The following SMC1B variants were observed in gnomAD, a reference collection of about 807,000 sequenced individuals.
SMC1B encodes the protein structural maintenance of chromosomes 1B.
In SMC1B, 60 loss-of-function variants were observed where a neutral mutation model predicts 157.9. That is an observed-to-expected ratio of 0.38 (90% CI 0.31 to 0.47). SMC1B has a LOEUF of 0.47. Among genes scored for constraint, SMC1B ranks in the 20% least tolerant of loss-of-function variants. SMC1B has a pLI of 0.99. For missense variants in SMC1B, 1,165 were observed against 1,426.2 expected, an observed-to-expected ratio of 0.82 and a Z score of 2.95; for synonymous variants, 445 against 483.0, an observed-to-expected ratio of 0.92 and a Z score of 1.03.
intron 9 of SMC1B, among the ~76,000 whole-genome samples, chr22:45,392,225 A>G (rs895025200): frequency 7.2e-5 from 11 of 152,170 alleles, no homozygotes; most frequent in Non-Finnish European, 1.0e-4. Flanking sequence ...CTGGGATTAC[A>G]GGCACCCAGT....
chr22:45,406,784 A>G lies in SMC1B; in HGVS notation c.380T>C (p.Ile127Thr), dbSNP rs1360725416. 3.8e-6 allele frequency: 6 copies of G among 1,596,256 alleles called. No homozygotes were observed. The highest frequency in any genetic ancestry group is 1.8e-5 in the Admixed American group (1 of 54,228). Residue 127 changes from isoleucine to threonine, a missense_variant, in exon 3 of 25, where the codon ATA becomes ACA. Ile to Thr is a moderately conservative substitution (Grantham distance 89). Coordinates refer to ENST00000357450, the MANE Select transcript of SMC1B (RefSeq NM_148674.5). Reference sequence around the variant, plus strand: ...AACCAAACAATTTTGTGCTTTGACTATTATGCCTATCTTTTCCAACTCTGC... The same window carrying G: ...AACCAAACAATTTTGTGCTTTGACTGTTATGCCTATCTTTTCCAACTCTGC... ...YIAELEKIGI[I>T]VKAQNCLVFQ...
chr22:45,399,550 A>C (rs1184763568), intron 5 of SMC1B, among the ~76,000 whole-genome samples, 197 bp from the exon 6 acceptor site: 3 of 152,326 alleles, frequency 2.0e-5, no homozygotes, highest in Non-Finnish European at 1.5e-5. Context: ...CACTTTTGAG[A>C]GTGGTACTGT....
intron 1 of SMC1B, among the ~76,000 whole-genome samples, chr22:45,412,822 T>A (rs567703475): frequency 6.6e-6 from 1 of 152,198 alleles, no homozygotes; most frequent in Non-Finnish European, 1.5e-5. Context: ...GTAAACTGGG[T>A]CATCATCACT....
Position 45,353,992 on chromosome 22 carries a change from T to C in SMC1B, c.3259A>G (p.Asn1087Asp). 1 of 1,585,352 alleles carries C rather than the reference T, an allele frequency of 6.3e-7. No homozygotes were observed. Among genetic ancestry groups the C allele is most frequent in the Non-Finnish European group, 8.6e-7 (1 of 1,166,732 alleles). ...AAGATACATACTTGGGCGCTGTTGT[T>C]TCTGCAGAGCTTCTTGTAGATTTGA... ...IDQIYKKLCR[N>D]NSAQAFLSPE... Residue 1087 changes from asparagine (N) to aspartate (D), a missense_variant, in exon 21 of 25, where the codon AAC becomes GAC. Asn to Asp is a conservative substitution (Grantham distance 23, BLOSUM62 1). Coordinates refer to ENST00000357450, the MANE Select transcript of SMC1B (RefSeq NM_148674.5).
intron 10 of SMC1B, among the ~76,000 whole-genome samples, chr22:45,388,766 G>A (rs908295834): frequency 6.6e-5 from 10 of 151,802 alleles, no homozygotes; most frequent in Admixed American, 2.6e-4. Context: ...CACCTGAGTC[G>A]GGAATTTGAG....
chr22:45,354,750 A>G (rs1430298625), intron 20 of SMC1B, among the ~76,000 whole-genome samples: 2 of 152,188 alleles, frequency 1.3e-5, no homozygotes, highest in Non-Finnish European at 2.9e-5. Flanking sequence ...GTGTTTTAAA[A>G]TCACCAATAA....
chr22:45,394,575 A>G (rs952085556), intron 8 of SMC1B, 110 bp downstream of exon 8: 27 of 1,243,178 alleles, frequency 2.2e-5, no homozygotes, highest in Non-Finnish European at 2.7e-5. Context: ...AGTTGAGGCT[A>G]CCGTAAGCCA....
At chr22:45,375,492 TTCC>T (rs2086875738) in intron 12 of SMC1B, among the ~76,000 whole-genome samples, 1 of 152,264 alleles carries the variant, frequency 6.6e-6, no homozygotes, top group South Asian at 2.1e-4. Context: ...GGGTTCACAC[TTCC>T]AAGACTACAT....
chr22:45,390,287 G>A (rs1173655999), intron 9 of SMC1B, among the ~76,000 whole-genome samples: 8 of 151,940 alleles, frequency 5.3e-5, no homozygotes, highest in Non-Finnish European at 1.2e-4. Flanking sequence ...TGACCTCACA[G>A]AATTTTCAGT....
At chr22:45,354,484 A>C (rs1432295872) in intron 20 of SMC1B, among the ~76,000 whole-genome samples, 1 of 152,018 alleles carries the variant, frequency 6.6e-6, no homozygotes, top group Non-Finnish European at 1.5e-5. Flanking sequence ...TCCACCTCCC[A>C]GGTTCAAGCA....
intron 1 of SMC1B, among the ~76,000 whole-genome samples, chr22:45,409,322 G>A (rs1380920913): frequency 6.6e-6 from 1 of 152,136 alleles, no homozygotes; most frequent in African/African-American, 2.4e-5. Flanking sequence ...CTAGCACTTT[G>A]GCAGGCCAAG....
chr22:45,405,394 A>C (rs1183223246), intron 4 of SMC1B, among the ~76,000 whole-genome samples: 3 of 151,074 alleles, frequency 2.0e-5, no homozygotes, highest in African/African-American at 7.3e-5. Flanking sequence ...TAAAAATACA[A>C]AAAAAAAATT....
At chr22:45,364,326 A>T (rs1031373515) in intron 15 of SMC1B, among the ~76,000 whole-genome samples, 3 of 152,134 alleles carry the variant, frequency 2.0e-5, no homozygotes, top group African/African-American at 7.2e-5. Context: ...ATTTTTAAGT[A>T]CTAACAGCTA....
chr22:45,374,197 G>C (rs1326825433), intron 12 of SMC1B, among the ~76,000 whole-genome samples: 1 of 139,514 alleles, frequency 7.2e-6, no homozygotes. Flanking sequence ...ATGACTGGTT[G>C]TTTAAGAAAA....
At chr22:45,390,503 C>T (rs570124635) in intron 9 of SMC1B, among the ~76,000 whole-genome samples, 3 of 151,878 alleles carry the variant, frequency 2.0e-5, no homozygotes, top group African/African-American at 4.8e-5. Flanking sequence ...GTCAAGAGAT[C>T]GAGACCATCC....
intron 23 of SMC1B, 92 bp downstream of exon 23, chr22:45,349,636 A>G: frequency 3.3e-6 from 4 of 1,197,810 alleles, no homozygotes; most frequent in Non-Finnish European, 4.9e-6. Flanking sequence ...GCCTAGACCA[A>G]GGACTGATTT....
intron 21 of SMC1B, among the ~76,000 whole-genome samples, chr22:45,353,072 AC>A (rs2086630267): frequency 2.0e-5 from 3 of 152,114 alleles, no homozygotes; most frequent in Non-Finnish European, 4.4e-5. Flanking sequence ...GGAGTTTGAG[AC>A]CAGTCTGGCC....
chr22:45,358,892 C>T (rs2086694857), intron 18 of SMC1B, 97 bp from the exon 19 acceptor site: 2 of 731,494 alleles, frequency 2.7e-6, no homozygotes, highest in Non-Finnish European at 4.7e-6. Context: ...ATAGTAACAT[C>T]AAAGATCAGT....
chr22:45,362,930 T>A lies in SMC1B; in HGVS notation c.2517A>T (p.Lys839Asn). 1 of 1,604,764 alleles carries A rather than the reference T, an allele frequency of 6.2e-7. No individual in the cohort carries two copies. Residue 839 changes from lysine to asparagine, a missense_variant, in exon 16 of 25, where the codon AAA (lysine) becomes AAT (asparagine). Coordinates refer to ENST00000357450, the MANE Select transcript of SMC1B (RefSeq NM_148674.5). The part of the protein sequence containing the change: ...KKKLNKINTL[K>N]ETIQKGSEDI... The stretch of plus-strand genomic sequence containing the variant: ...CTTCACTACCTTTCTGGATAGTTTC[T>A]TTTAATGTGTTGATCTTATTCAGTT...
Sources: gnomAD v4.1 joint callset for allele counts (sites outside exome capture counted in the v4.1 genomes callset) on GRCh38, gnomAD v4.1.1 for gene constraint, MANE v1.5 for transcripts, NCBI Gene and HGNC (gene_info 2026-07-23, HGNC 2026-07-21) for gene names.